The following USH2A variants were observed in gnomAD, a reference collection of about 807,000 sequenced individuals.
USH2A encodes the protein usherin.
Under a neutral mutation model 538.9 loss-of-function variants are expected in USH2A, and 443 were observed. The ratio of observed to expected loss-of-function variants is 0.82; its 90% CI spans 0.76 to 0.89. USH2A has a LOEUF of 0.89. USH2A is among the 40% of genes least tolerant of loss of function. The probability of loss-of-function intolerance (pLI) is 0.00; values close to 1 mark genes in which losing one functional copy is unlikely to be tolerated. For synonymous variants in USH2A, 2,413 were observed against 2,273.5 expected, an observed-to-expected ratio of 1.06 and a Z score of -1.75; for missense variants, 6,633 against 6,324.8, an observed-to-expected ratio of 1.05 and a Z score of -1.65.
At chr1:215,915,107 G>A (rs1197526171) in intron 38 of USH2A, among the ~76,000 whole-genome samples, 1 of 152,102 alleles carries the variant, frequency 6.6e-6, no homozygotes, top group Non-Finnish European at 1.5e-5. Context: ...AAGTAGGTGG[G>A]TCAAGGAATC....
intron 32 of USH2A, among the ~76,000 whole-genome samples, chr1:216,029,174 T>C (rs972970898): frequency 1.3e-5 from 2 of 152,090 alleles, no homozygotes; most frequent in Non-Finnish European, 2.9e-5. Flanking sequence ...AAATTAAGAC[T>C]CTCTCCACCT....
At chr1:215,839,345 G>A (rs1663613466) in intron 46 of USH2A, among the ~76,000 whole-genome samples, 3 of 151,980 alleles carry the variant, frequency 2.0e-5, no homozygotes, top group Non-Finnish European at 4.4e-5. Flanking sequence ...TCTAATATGT[G>A]CCAAATATTA....
In USH2A at chr1:215,934,783, T is replaced by C; in HGVS notation, c.7133A>G (p.Tyr2378Cys). The change falls in exon 38 of 72, where the codon TAC becomes TGC. Residue 2378 changes from tyrosine (Y) to cysteine (C), a missense_variant. Transcript: ENST00000307340. Reference sequence around the variant, plus strand: ...GACTTTTGTGACATTCAGAAGGGTGTAGTTATTACCTACTGATTAAAAAAG... The same window carrying C: ...GACTTTTGTGACATTCAGAAGGGTGCAGTTATTACCTACTGATTAAAAAAG... ...IFYVDPVGNN[Y>C]TLLNVTKVMY... The C allele has an allele frequency of 1.2e-6, 2 of 1,610,988 alleles. No homozygotes were observed. The highest frequency in any genetic ancestry group is 1.7e-6 in the Non-Finnish European group (2 of 1,178,290).
At chr1:215,782,327 T>C (rs1203553286) in intron 53 of USH2A, 131 bp from the exon 54 acceptor site, 9 of 1,008,434 alleles carry the variant, frequency 8.9e-6, no homozygotes, top group South Asian at 2.9e-5. Context: ...TCCTATTATA[T>C]TGCTGTCTCA....
intron 64 of USH2A, among the ~76,000 whole-genome samples, chr1:215,661,095 C>T (rs1306895932): frequency 6.6e-6 from 1 of 152,108 alleles, no homozygotes; most frequent in East Asian, 1.9e-4. Context: ...CAAAGCTGGC[C>T]AGGTGATCCT....
intron 35 of USH2A, among the ~76,000 whole-genome samples, chr1:215,990,760 C>CTT (rs35293238): frequency 0.017 from 1,922 of 114,522 alleles, 85 homozygotes; most frequent in South Asian, 0.11. Context: ...CTTAATTTTC[C>CTT]TTTTTTTTTT....
intron 64 of USH2A, among the ~76,000 whole-genome samples, chr1:215,653,492 T>C (rs1657143799): frequency 6.6e-6 from 1 of 152,126 alleles, no homozygotes; most frequent in South Asian, 2.1e-4. Context: ...GATCAACCTA[T>C]TTACATGAGC....
chr1:216,369,125 C>T (rs1228147233), intron 3 of USH2A, among the ~76,000 whole-genome samples: 2 of 152,066 alleles, frequency 1.3e-5, no homozygotes, highest in African/African-American at 2.4e-5. Context: ...AAGTCTTGGA[C>T]TTTCTGAAAT....
intron 32 of USH2A, among the ~76,000 whole-genome samples, chr1:216,005,845 T>A (rs1181078653): frequency 6.6e-6 from 1 of 152,148 alleles, no homozygotes; most frequent in Non-Finnish European, 1.5e-5. Context: ...TTTTTCTGAG[T>A]GAGTGCATAT....
chr1:215,885,566 C>T (rs906219113), intron 41 of USH2A, among the ~76,000 whole-genome samples: 1 of 152,096 alleles, frequency 6.6e-6, no homozygotes, highest in Admixed American at 6.6e-5. Context: ...AACTCTTTGA[C>T]ATTATATATT....
At chr1:216,218,000 A>G (rs992450447) in intron 14 of USH2A, among the ~76,000 whole-genome samples, 3 of 152,072 alleles carry the variant, frequency 2.0e-5, no homozygotes, top group African/African-American at 7.2e-5. Flanking sequence ...GGGGTAAATC[A>G]TTGCTCTCCC....
intron 61 of USH2A, among the ~76,000 whole-genome samples, chr1:215,714,969 G>A (rs1354484940): frequency 6.6e-6 from 1 of 152,174 alleles, no homozygotes; most frequent in Non-Finnish European, 1.5e-5. Context: ...AAATAGGGAT[G>A]ACAGAAATTA....
chr1:215,925,612 A>G (rs1430465412), intron 38 of USH2A, among the ~76,000 whole-genome samples: 1 of 152,166 alleles, frequency 6.6e-6, no homozygotes, highest in Non-Finnish European at 1.5e-5. Flanking sequence ...TTTACATTAT[A>G]AAAAGCAGTT....
At chr1:215,959,463 C>T (rs574257232) in intron 37 of USH2A, among the ~76,000 whole-genome samples, 2 of 151,986 alleles carry the variant, frequency 1.3e-5, no homozygotes, top group Admixed American at 6.6e-5. Flanking sequence ...TTGGATTAGA[C>T]ATATTTACTC....
At chr1:216,018,437 C>T (rs948291680) in intron 32 of USH2A, among the ~76,000 whole-genome samples, 1 of 152,186 alleles carries the variant, frequency 6.6e-6, no homozygotes, top group South Asian at 2.1e-4. Flanking sequence ...AGCTACTGCC[C>T]ATCTGAACCC....
intron 55 of USH2A, among the ~76,000 whole-genome samples, chr1:215,773,716 C>G (rs1661371542): frequency 6.6e-6 from 1 of 152,140 alleles, no homozygotes; most frequent in South Asian, 2.1e-4. Context: ...CCTCACTTGC[C>G]TGGGATCTCA....
rs1655902812 is a variant in USH2A, at chr1:215,623,981, G to A, written c.*1800C>T. Reference sequence around the variant, plus strand: ...TATATACCTTAAGTAGCTCACAGAAGGTGGACACAGCCTTGGTTAATGCTT... The same window carrying A: ...TATATACCTTAAGTAGCTCACAGAAAGTGGACACAGCCTTGGTTAATGCTT... On this transcript the variant is annotated 3_prime_UTR_variant, in exon 72 of 72. Coordinates refer to ENST00000307340, the MANE Select transcript of USH2A (RefSeq NM_206933.4). The A allele has an allele frequency of 6.6e-6, 1 of 152,142 alleles. No homozygotes were observed. The highest frequency in any genetic ancestry group is 6.6e-5 in the Admixed American group (1 of 15,254). 9.4% of individuals were successfully genotyped at this position (152,142 alleles called of 1,614,324 possible).
intron 11 of USH2A, among the ~76,000 whole-genome samples, chr1:216,253,965 T>C (rs2036211941): frequency 6.6e-6 from 1 of 152,196 alleles, no homozygotes; most frequent in Non-Finnish European, 1.5e-5. Context: ...ATATTCACTT[T>C]TTTCTATACA....
intron 11 of USH2A, among the ~76,000 whole-genome samples, chr1:216,253,619 G>A (rs189577030): frequency 7.9e-4 from 120 of 152,192 alleles, no homozygotes; most frequent in South Asian, 3.1e-3. Flanking sequence ...TGATCATTTC[G>A]TAGTCGCCCT....
Sources: gnomAD v4.1 joint callset for allele counts (sites outside exome capture counted in the v4.1 genomes callset) on GRCh38, gnomAD v4.1.1 for gene constraint, MANE v1.5 for transcripts, NCBI Gene and HGNC (gene_info 2026-07-23, HGNC 2026-07-21) for gene names.